The following BNC2 variants were observed in gnomAD, a reference collection of about 807,000 sequenced individuals.
BNC2 encodes the protein zinc finger protein basonuclin-2.
BNC2 carries 20 observed loss-of-function variants against 76.3 expected under a neutral mutation model. The observed-to-expected ratio is 0.26, with a 90% confidence interval of 0.18 to 0.38. The LOEUF is 0.38. Among genes scored for constraint, BNC2 ranks in the 10% least tolerant of loss-of-function variants. The probability of loss-of-function intolerance (pLI) is 1.00; values close to 1 mark genes in which losing one functional copy is unlikely to be tolerated. For synonymous variants in BNC2, 582 were observed against 514.8 expected, an observed-to-expected ratio of 1.13 and a Z score of -1.77; for missense variants, 1,382 against 1,399.8, an observed-to-expected ratio of 0.99 and a Z score of 0.20.
chr9:16,678,006 T>C (rs1426068480), intron 3 of BNC2, among the ~76,000 whole-genome samples: 1 of 152,090 alleles, frequency 6.6e-6, no homozygotes, highest in Admixed American at 6.6e-5. Flanking sequence ...TGCAGTTCAC[T>C]TTCTGTGACG....
chr9:16,830,454 C>T (rs963491798), intron 1 of BNC2, among the ~76,000 whole-genome samples: 11 of 152,114 alleles, frequency 7.2e-5, no homozygotes, highest in South Asian at 2.1e-4. Flanking sequence ...GTAAATGCTA[C>T]GTAAATATTT....
Position 16,815,234 on chromosome 9 carries a change from A to C in BNC2, c.3+55412T>G, listed in dbSNP as rs1818154547. On this transcript the variant is annotated intron_variant, in intron 1 of 6. Coordinates refer to ENST00000380672, the MANE Select transcript of BNC2 (RefSeq NM_017637.6). The stretch of plus-strand genomic sequence containing the variant: ...AGAACAGCTAAACTAGATTAAGTAC[A>C]GCTGGAGTGTAGGGTAAACATAGAT... 2.0e-5 allele frequency among the ~76,000 whole-genome samples: 3 copies of C among 152,206 alleles called. No homozygotes were observed. The South Asian group carries it at 6.2e-4, about 31-fold the overall frequency.
chr9:16,756,874 C>G (rs1347433742), intron 1 of BNC2, among the ~76,000 whole-genome samples: 1 of 151,920 alleles, frequency 6.6e-6, no homozygotes, highest in Non-Finnish European at 1.5e-5. Context: ...GCCTGTAGTC[C>G]CAGCTACTCG....
At chr9:16,807,869 T>C (rs1210719584) in intron 1 of BNC2, among the ~76,000 whole-genome samples, 3 of 152,102 alleles carry the variant, frequency 2.0e-5, no homozygotes, top group Admixed American at 6.5e-5. Context: ...TCCTAACAGA[T>C]AAACTCATAA....
In BNC2 at chr9:16,419,266, G is replaced by T. The variant is rs774036140; in HGVS notation, c.3023C>A (p.Ala1008Asp). 6.2e-7 allele frequency: 1 copy of T among 1,614,186 alleles called. No homozygotes were observed. The highest frequency in any genetic ancestry group is 1.1e-5 in the South Asian group (1 of 91,082). The part of the protein sequence containing the change: ...DSGESAHKAE[A>D]PALPGSLGAE... ...CCCTAGGCTGCCAGGGAGGGCAGGG[G>T]CCTCGGCCTTGTGTGCCGACTCCCC... Residue 1008 changes from alanine to aspartate, a missense_variant, in exon 7 of 7, where the codon GCC (alanine) becomes GAC (aspartate). Coordinates refer to ENST00000380672, the MANE Select transcript of BNC2 (RefSeq NM_017637.6).
chr9:16,641,603 G>C (rs917687534), intron 3 of BNC2, among the ~76,000 whole-genome samples: 1 of 152,042 alleles, frequency 6.6e-6, no homozygotes, highest in African/African-American at 2.4e-5. Flanking sequence ...TAAAGTATTC[G>C]GATGCAAATT....
At chr9:16,855,876 A>G (rs1819242878) in intron 1 of BNC2, among the ~76,000 whole-genome samples, 7 of 152,038 alleles carry the variant, frequency 4.6e-5, no homozygotes. Flanking sequence ...CCAAATCAGT[A>G]CACAATTGTC....
At position 16,411,957 on chromosome 9, in the gene BNC2, C is replaced by T. The variant is rs1820470743; in HGVS notation, c.*7032G>A. On this transcript the variant is annotated 3_prime_UTR_variant, in exon 7 of 7. Transcript: ENST00000380672. ...TGATAGATCTTGCACTTCATTTAGT[C>T]ACTAACTAGTCACTTTCCAACCATC... The T allele has an allele frequency of 6.6e-6, 1 of 152,222 alleles. No individual in the cohort carries two copies. The highest frequency in any genetic ancestry group is 2.4e-5 in the African/African-American group (1 of 41,440). The allele number at this position is 152,222 out of a possible 1,614,324, so 9.4% of individuals were successfully genotyped here.
At chr9:16,704,452 T>G (rs1823601209) in intron 3 of BNC2, among the ~76,000 whole-genome samples, 2 of 152,020 alleles carry the variant, frequency 1.3e-5, no homozygotes, top group Admixed American at 6.6e-5. Context: ...ACAGCCCAAA[T>G]GACTGCATCT....
chr9:16,782,785 G>A (rs556164082), intron 1 of BNC2, among the ~76,000 whole-genome samples: 8 of 152,238 alleles, frequency 5.3e-5, no homozygotes, highest in East Asian at 3.9e-4. Flanking sequence ...GGCCAGAAAC[G>A]TCTACCTTTT....
At chr9:16,521,886 G>C (rs1817632225) in intron 5 of BNC2, among the ~76,000 whole-genome samples, 1 of 152,116 alleles carries the variant, frequency 6.6e-6, no homozygotes. Flanking sequence ...TGAGTATTAG[G>C]CCTGTCTGTG....
At chr9:16,469,174 C>A (rs1198862403) in intron 5 of BNC2, among the ~76,000 whole-genome samples, 1 of 145,728 alleles carries the variant, frequency 6.9e-6, no homozygotes, top group Non-Finnish European at 1.5e-5. Context: ...TCACCTACAG[C>A]AATAAGCAGC....
Position 16,414,467 on chromosome 9 carries a change from CAA to C in BNC2, c.*4520_*4521del, listed in dbSNP as rs1419159703. Reference sequence around the variant, plus strand: ...GCAAAACCACCTAATTTAAATACTTCAAGTTTGGGAGAAGATAAGTGATTTTA... The same window carrying C: ...GCAAAACCACCTAATTTAAATACTTCGTTTGGGAGAAGATAAGTGATTTTA... On this transcript the variant is annotated 3_prime_UTR_variant, in exon 7 of 7. Transcript: ENST00000380672. 1 of 152,082 alleles carries C rather than the reference CAA, an allele frequency of 6.6e-6. No homozygotes were observed. Among genetic ancestry groups the C allele is most frequent in the Non-Finnish European group, 1.5e-5 (1 of 68,036 alleles). 9.4% of individuals were successfully genotyped at this position (152,082 alleles called of 1,614,324 possible).
chr9:16,614,885 G>A (rs1248824455), intron 3 of BNC2, among the ~76,000 whole-genome samples: 1 of 147,948 alleles, frequency 6.8e-6, no homozygotes, highest in Non-Finnish European at 1.5e-5. Flanking sequence ...GATCTCTGGA[G>A]GTCAAGGCTG....
chr9:16,565,711 G>A (rs974418193), intron 4 of BNC2, among the ~76,000 whole-genome samples: 1 of 151,812 alleles, frequency 6.6e-6, no homozygotes, highest in South Asian at 2.1e-4. Context: ...GGGAGGCTGA[G>A]ATGGGAGGAT....
chr9:16,807,364 A>T (rs1469156399), intron 1 of BNC2, among the ~76,000 whole-genome samples: 1 of 152,248 alleles, frequency 6.6e-6, no homozygotes, highest in Non-Finnish European at 1.5e-5. Flanking sequence ...TCATTTTATT[A>T]ACCCAAATCT....
chr9:16,419,773 T>G, intron 6 of BNC2, 124 bp from the exon 7 acceptor site: 1 of 693,594 alleles, frequency 1.4e-6, no homozygotes, highest in Non-Finnish European at 2.6e-6. Context: ...CACTTCTAAT[T>G]ACACCATTAT....
chr9:16,603,982 G>A (rs1417801694), intron 3 of BNC2, among the ~76,000 whole-genome samples: 1 of 151,904 alleles, frequency 6.6e-6, no homozygotes, highest in Non-Finnish European at 1.5e-5. Context: ...AGATACAAAA[G>A]AATGTAAACT....
chr9:16,781,841 T>A (rs1035210601), intron 1 of BNC2, among the ~76,000 whole-genome samples: 1 of 152,240 alleles, frequency 6.6e-6, no homozygotes, highest in Non-Finnish European at 1.5e-5. Flanking sequence ...GTGCTTTTTA[T>A]GTTAACTGTA....
Sources: allele counts gnomAD v4.1 joint callset (sites outside exome capture counted in the v4.1 genomes callset), GRCh38; gene constraint gnomAD v4.1.1; transcripts MANE v1.5; gene names NCBI Gene and HGNC (gene_info 2026-07-23, HGNC 2026-07-21).